The following RBFOX1 variants were observed in gnomAD, a reference collection of about 807,000 sequenced individuals.
The protein encoded by RBFOX1 is RNA binding fox-1 homolog 1.
In RBFOX1, 8 loss-of-function variants were observed where a neutral mutation model predicts 57.7. That is an observed-to-expected ratio of 0.14 (90% CI 0.08 to 0.25). RBFOX1 has a LOEUF of 0.25. Among genes scored for constraint, RBFOX1 ranks in the 10% least tolerant of loss-of-function variants. The probability of loss-of-function intolerance (pLI) is 1.00; values close to 1 mark genes in which losing one functional copy is unlikely to be tolerated. For missense variants in RBFOX1, 611 were observed against 548.5 expected (o/e 1.11, Z -1.14); for synonymous variants, 326 against 222.4 (o/e 1.47, Z -4.15).
chr16:7,187,299 G>C lies in RBFOX1; in HGVS notation c.27+135201G>C, dbSNP rs1192674809. ...ATAATTAAAGTAATTTTTTCTTAAA[G>C]TGCATCTGTCCTTCCTTAATCCTTC... is the stretch of plus-strand genomic sequence containing the variant. On this transcript the variant is annotated intron_variant, in intron 4 of 15. Transcript: ENST00000550418. Among the ~76,000 whole-genome samples, 3 of 152,078 alleles carry C rather than the reference G, an allele frequency of 2.0e-5. No individual in the cohort carries two copies. In the East Asian group the frequency reaches 5.8e-4, roughly 29 times the overall value.
chr16:5,502,907 A>G (rs1477960704), intron 2 of RBFOX1, among the ~76,000 whole-genome samples: 9 of 152,252 alleles, frequency 5.9e-5, no homozygotes, highest in Non-Finnish European at 1.3e-4. Context: ...TACAGTCCCT[A>G]GAAAGATGGA....
intron 4 of RBFOX1, among the ~76,000 whole-genome samples, chr16:7,124,874 A>G (rs1339517685): frequency 6.6e-6 from 1 of 152,114 alleles, no homozygotes; most frequent in African/African-American, 2.4e-5. Context: ...TATTCCTGAC[A>G]AATAAATATT....
chr16:6,086,379 A>G (rs748779781), intron 1 of RBFOX1, among the ~76,000 whole-genome samples: 1 of 152,124 alleles, frequency 6.6e-6, no homozygotes, highest in Non-Finnish European at 1.5e-5. Flanking sequence ...TGCTGCCCAA[A>G]GTTACTCTGT....
intron 4 of RBFOX1, among the ~76,000 whole-genome samples, chr16:7,456,186 G>C (rs2058477014): frequency 6.6e-6 from 1 of 152,188 alleles, no homozygotes. Context: ...TCTGTGGAGG[G>C]TTGATGTACC....
intron 4 of RBFOX1, among the ~76,000 whole-genome samples, chr16:7,101,727 C>T (rs1198277630): frequency 6.6e-6 from 1 of 152,090 alleles, no homozygotes; most frequent in Non-Finnish European, 1.5e-5. Context: ...TTGCTTGCCG[C>T]AGAAGACAAG....
intron 1 of RBFOX1, among the ~76,000 whole-genome samples, chr16:5,292,790 A>AT (rs1277784994): frequency 6.6e-6 from 1 of 151,822 alleles, no homozygotes; most frequent in African/African-American, 2.4e-5. Context: ...CGCCCGGCTA[A>AT]TTTTTTGTAT....
At chr16:6,589,625 CCTAGCTG>C (rs1231349029) in intron 2 of RBFOX1, among the ~76,000 whole-genome samples, 1 of 152,184 alleles carries the variant, frequency 6.6e-6, no homozygotes, top group East Asian at 1.9e-4. Context: ...TCTTGCAGCT[CCTAGCTG>C]CAGGACTCCT....
At chr16:7,570,701 C>A (rs537034065) in intron 5 of RBFOX1, among the ~76,000 whole-genome samples, 1 of 152,250 alleles carries the variant, frequency 6.6e-6, no homozygotes, top group Non-Finnish European at 1.5e-5. Flanking sequence ...TACCTGGAAC[C>A]AGAAATACCA....
intron 4 of RBFOX1, among the ~76,000 whole-genome samples, chr16:7,301,799 C>T (rs372239182): frequency 9.9e-5 from 15 of 152,078 alleles, no homozygotes; most frequent in East Asian, 5.8e-4. Flanking sequence ...GATTGCTTGA[C>T]GCAACAGTAA....
chr16:6,341,690 G>A (rs1028741401), intron 2 of RBFOX1, among the ~76,000 whole-genome samples: 5 of 151,976 alleles, frequency 3.3e-5, no homozygotes, highest in Admixed American at 6.6e-5. Flanking sequence ...TGTACATAGG[G>A]TGGCTGGTTT....
intron 1 of RBFOX1, among the ~76,000 whole-genome samples, chr16:5,389,491 A>G (rs912568359): frequency 6.6e-6 from 1 of 152,004 alleles, no homozygotes; most frequent in African/African-American, 2.4e-5. Flanking sequence ...GACATCGCCA[A>G]ATGTCCTCTG....
chr16:6,002,979 C>T (rs927242131), intron 4 of RBFOX1, among the ~76,000 whole-genome samples: 2 of 152,214 alleles, frequency 1.3e-5, no homozygotes, highest in East Asian at 3.9e-4. Flanking sequence ...CGTTGGGGGA[C>T]ACAAGAAATG....
At chr16:7,120,486 T>A (rs2066871190) in intron 4 of RBFOX1, among the ~76,000 whole-genome samples, 1 of 151,906 alleles carries the variant, frequency 6.6e-6, no homozygotes, top group Non-Finnish European at 1.5e-5. Context: ...TTAAAAAGAT[T>A]ATAAGGAAAT....
intron 3 of RBFOX1, among the ~76,000 whole-genome samples, chr16:7,036,744 A>G (rs1034268031): frequency 5.9e-5 from 7 of 119,004 alleles, no homozygotes; most frequent in Admixed American, 7.8e-5. Context: ...GAAAAAAAAA[A>G]AGAAAGAATT....
chr16:6,011,267 TA>T (rs1209264179), intron 4 of RBFOX1, among the ~76,000 whole-genome samples: 3 of 152,226 alleles, frequency 2.0e-5, no homozygotes, highest in African/African-American at 7.2e-5. Context: ...TGCCTCTTGA[TA>T]AGTCTCATTT....
At chr16:5,651,040 C>CTTTTTTTTTTTTTTTTTTTTT (rs869240597) in intron 3 of RBFOX1, among the ~76,000 whole-genome samples, 3 of 56,896 alleles carry the variant, frequency 5.3e-5, no homozygotes, top group African/African-American at 7.3e-5. Context: ...CTACCTCCTT[C>CTTTTTTTTTTTTTTTTTTTTT]TTTTTTTTTT....
intron 4 of RBFOX1, among the ~76,000 whole-genome samples, chr16:7,140,698 T>A (rs188078139): frequency 6.6e-6 from 1 of 152,122 alleles, no homozygotes; most frequent in Admixed American, 6.5e-5. Flanking sequence ...CAGAGTGATA[T>A]CCTGTGCAAT....
At chr16:6,870,794 C>G (rs960170758) in intron 3 of RBFOX1, among the ~76,000 whole-genome samples, 2 of 152,204 alleles carry the variant, frequency 1.3e-5, no homozygotes, top group Non-Finnish European at 2.9e-5. Flanking sequence ...CTACTAGCAA[C>G]TAATTTATGA....
At chr16:7,241,134 A>T (rs2094034828) in intron 4 of RBFOX1, among the ~76,000 whole-genome samples, 1 of 152,352 alleles carries the variant, frequency 6.6e-6, no homozygotes, top group South Asian at 2.1e-4. Flanking sequence ...AGGCAGAAGT[A>T]TCCCCTGCAT....
Sources: allele counts gnomAD v4.1 joint callset (sites outside exome capture counted in the v4.1 genomes callset), GRCh38; gene constraint gnomAD v4.1.1; transcripts MANE v1.5; gene names NCBI Gene and HGNC (gene_info 2026-07-23, HGNC 2026-07-21).